The following DPP10 variants were observed in gnomAD, a reference collection of about 807,000 sequenced individuals.
DPP10 encodes dipeptidyl peptidase like 10, also known as inactive dipeptidyl peptidase 10.
Under a neutral mutation model 120.9 loss-of-function variants are expected in DPP10, and 33 were observed. The observed-to-expected ratio is 0.27, with a 90% CI of 0.21 to 0.37. The LOEUF (loss-of-function observed/expected upper bound fraction) is 0.37. DPP10 is among the 10% of genes least tolerant of loss of function. The pLI is 1.00. For synonymous variants in DPP10, 337 were observed against 326.1 expected, an observed-to-expected ratio of 1.03 and a Z score of -0.36; for missense variants, 816 against 942.8, an observed-to-expected ratio of 0.87 and a Z score of 1.76.
chr2:115,119,588 T>A (rs752563363), intron 1 of DPP10, among the ~76,000 whole-genome samples: 2 of 152,192 alleles, frequency 1.3e-5, no homozygotes, highest in Non-Finnish European at 2.9e-5. Flanking sequence ...GTATGTTCTG[T>A]GAGTCTTGGT....
At chr2:114,830,343 G>A (rs1172899246) in intron 1 of DPP10, among the ~76,000 whole-genome samples, 1 of 151,958 alleles carries the variant, frequency 6.6e-6, no homozygotes, top group African/African-American at 2.4e-5. Flanking sequence ...GATGACGCAT[G>A]TTTCCCATCC....
chr2:115,563,408 C>T (rs755768206), intron 5 of DPP10, among the ~76,000 whole-genome samples: 2 of 151,806 alleles, frequency 1.3e-5, no homozygotes, highest in Non-Finnish European at 2.9e-5. Context: ...TTTTCTGATC[C>T]GAAAAGAGCA....
intron 3 of DPP10, among the ~76,000 whole-genome samples, chr2:115,385,355 T>C (rs1406575243): frequency 2.6e-5 from 4 of 151,374 alleles, no homozygotes; most frequent in African/African-American, 9.7e-5. Flanking sequence ...GTCTTTCTTT[T>C]TTTTTTTTTT....
intron 14 of DPP10, 105 bp downstream of exon 14, chr2:115,777,404 C>A: frequency 1.0e-6 from 1 of 970,784 alleles, no homozygotes. Context: ...TCAAAACAAG[C>A]CAGCCATGGA....
intron 5 of DPP10, among the ~76,000 whole-genome samples, chr2:115,574,714 G>T (rs745524996): frequency 1.3e-5 from 2 of 152,130 alleles, no homozygotes; most frequent in African/African-American, 4.8e-5. Flanking sequence ...TTCAAAACCT[G>T]GAACAATGCC....
At chr2:115,061,896 C>G (rs1706437053) in intron 1 of DPP10, among the ~76,000 whole-genome samples, 1 of 151,904 alleles carries the variant, frequency 6.6e-6, no homozygotes, top group Non-Finnish European at 1.5e-5. Context: ...ATTTTCATTT[C>G]CTTTCTAGTA....
chr2:115,010,046 T>C (rs1412906607), intron 1 of DPP10, among the ~76,000 whole-genome samples: 1 of 152,214 alleles, frequency 6.6e-6, no homozygotes, highest in Non-Finnish European at 1.5e-5. Flanking sequence ...ATCTTAATGA[T>C]ATTGTAATTT....
At chr2:114,943,603 T>C (rs1055733838) in intron 1 of DPP10, among the ~76,000 whole-genome samples, 5 of 152,196 alleles carry the variant, frequency 3.3e-5, no homozygotes, top group African/African-American at 4.8e-5. Context: ...CAGTCTATCA[T>C]TGATGGTCAT....
intron 1 of DPP10, among the ~76,000 whole-genome samples, chr2:115,109,328 G>A (rs1365345297): frequency 6.6e-6 from 1 of 152,220 alleles, no homozygotes; most frequent in East Asian, 1.9e-4. Context: ...ACGACGTCAG[G>A]AGATCGAGAC....
chr2:115,037,302 T>G (rs915325802), intron 1 of DPP10, among the ~76,000 whole-genome samples: 1 of 152,250 alleles, frequency 6.6e-6, no homozygotes, highest in East Asian at 1.9e-4. Context: ...AAAGTTGTTA[T>G]GGAAAATCTT....
chr2:114,815,766 T>C (rs1209535066), intron 1 of DPP10, among the ~76,000 whole-genome samples: 1 of 152,078 alleles, frequency 6.6e-6, no homozygotes, highest in East Asian at 1.9e-4. Flanking sequence ...AAACTGTCAA[T>C]TGGGAGTCAA....
chr2:115,511,731 C>CTTTT (rs61236857), intron 4 of DPP10, among the ~76,000 whole-genome samples: 6 of 82,610 alleles, frequency 7.3e-5, no homozygotes, highest in African/African-American at 3.0e-4. Flanking sequence ...TCTTCTTCTT[C>CTTTT]TTTTTTTTTT....
At chr2:115,284,315 G>C (rs2060279078) in intron 1 of DPP10, among the ~76,000 whole-genome samples, 2 of 152,006 alleles carry the variant, frequency 1.3e-5, no homozygotes, top group South Asian at 4.1e-4. Context: ...GTTTAACCTT[G>C]TCATGTTTCT....
Position 115,842,461 on chromosome 2 carries a change from G to T in DPP10, c.*116G>T. The T allele has an allele frequency of 8.1e-7, 1 of 1,233,576 alleles. No homozygotes were observed. Among genetic ancestry groups the T allele is most frequent in the East Asian group, 2.5e-5 (1 of 40,814 alleles). 76.4% of individuals were successfully genotyped at this position (1,233,576 alleles called of 1,614,324 possible). A position where few individuals can be genotyped will look rare whatever the true frequency, so the allele number is the denominator to read the frequency against. ...AAGGGCAGCTTACGGAGATGTCACT[G>T]GAGCAGCACGCTCAGAGACAGTGAA... is the stretch of plus-strand genomic sequence containing the variant. On this transcript the variant is annotated 3_prime_UTR_variant, in exon 26 of 26. Transcript: ENST00000410059.
chr2:114,501,936 T>C (rs1209635911), intron 1 of DPP10, among the ~76,000 whole-genome samples: 2 of 133,752 alleles, frequency 1.5e-5, no homozygotes, highest in Non-Finnish European at 3.1e-5. Context: ...GATATTCCTT[T>C]TTTTTTTTTT....
chr2:114,943,060 C>G lies in DPP10; in HGVS notation c.61-366179C>G, dbSNP rs140121828. On this transcript the variant is annotated intron_variant, in intron 1 of 25. Coordinates refer to ENST00000410059, the MANE Select transcript of DPP10 (RefSeq NM_020868.6). The stretch of plus-strand genomic sequence containing the variant: ...GCTATCCCTCCTCTAGCCCTCCACC[C>G]CCCAGCAGGCCCAGGTGTGTGATGT... Among the ~76,000 whole-genome samples the G allele has an allele frequency of 4.0e-3, 611 of 152,186 alleles. 1 individual carries two copies. The highest frequency in any genetic ancestry group is 0.014 in the African/African-American group (598 of 41,524).
intron 1 of DPP10, among the ~76,000 whole-genome samples, chr2:114,820,841 T>C (rs1686029093): frequency 6.6e-6 from 1 of 152,172 alleles, no homozygotes; most frequent in African/African-American, 2.4e-5. Context: ...CCAAACCATA[T>C]CATTCTTCCC....
At chr2:115,069,453 T>C (rs1489179545) in intron 1 of DPP10, among the ~76,000 whole-genome samples, 2 of 152,106 alleles carry the variant, frequency 1.3e-5, no homozygotes, top group East Asian at 1.9e-4. Context: ...CTTTAAAGTT[T>C]TTCCATATAT....
chr2:114,492,747 C>T (rs990731414), intron 1 of DPP10, among the ~76,000 whole-genome samples: 3 of 152,190 alleles, frequency 2.0e-5, no homozygotes, highest in Non-Finnish European at 4.4e-5. Flanking sequence ...GCAGCAGCAG[C>T]AACATTGAGT....
Sources: allele counts gnomAD v4.1 joint callset (sites outside exome capture counted in the v4.1 genomes callset), GRCh38; gene constraint gnomAD v4.1.1; transcripts MANE v1.5; gene names NCBI Gene and HGNC (gene_info 2026-07-23, HGNC 2026-07-21).